Variants in DGKB observed in about 807,000 individuals in gnomAD.
The protein encoded by DGKB is 90 kDa diacylglycerol kinase.
DGKB carries 67 observed loss-of-function variants against 114.3 expected under a neutral mutation model. The ratio of observed to expected loss-of-function variants is 0.59; its 90% CI spans 0.48 to 0.72. The LOEUF is 0.72. DGKB is among the 30% of genes least tolerant of loss of function. The pLI, the probability that DGKB is intolerant of heterozygous loss-of-function variation, is 0.00. For synonymous variants in DGKB, 398 were observed against 323.1 expected (o/e 1.23, Z -2.49); for missense variants, 907 against 975.2 (o/e 0.93, Z 0.93).
intron 2 of DGKB, among the ~76,000 whole-genome samples, chr7:14,758,740 T>G (rs1471111929): frequency 6.6e-6 from 1 of 152,188 alleles, no homozygotes; most frequent in Non-Finnish European, 1.5e-5. Flanking sequence ...AAATTAGCTT[T>G]TGAAACATCC....
chr7:14,312,229 A>C (rs1180970756), intron 23 of DGKB, among the ~76,000 whole-genome samples: 1 of 152,198 alleles, frequency 6.6e-6, no homozygotes, highest in Non-Finnish European at 1.5e-5. Flanking sequence ...AAACATTGAC[A>C]CAGTATGTGG....
At chr7:14,361,633 GT>G (rs1815763197) in intron 21 of DGKB, among the ~76,000 whole-genome samples, 1 of 151,922 alleles carries the variant, frequency 6.6e-6, no homozygotes, top group South Asian at 2.1e-4. Context: ...TCAAGTACAT[GT>G]TAGATAATTC....
intron 23 of DGKB, among the ~76,000 whole-genome samples, chr7:14,223,087 T>G (rs1790253969): frequency 6.6e-6 from 1 of 151,672 alleles, no homozygotes; most frequent in Non-Finnish European, 1.5e-5. Flanking sequence ...CTCCCCATTC[T>G]GACAATCTCT....
intron 9 of DGKB, among the ~76,000 whole-genome samples, chr7:14,688,532 T>A (rs538203974): frequency 6.6e-6 from 1 of 152,280 alleles, no homozygotes; most frequent in South Asian, 2.1e-4. Flanking sequence ...AATTTTTCAG[T>A]CAAAATAATT....
At chr7:14,447,152 CT>C (rs576783807) in intron 21 of DGKB, among the ~76,000 whole-genome samples, 3 of 152,208 alleles carry the variant, frequency 2.0e-5, no homozygotes, top group African/African-American at 7.2e-5. Flanking sequence ...TGCATCACCC[CT>C]AGGGGGAACT....
At chr7:14,345,891 T>C (rs1812393984) in intron 21 of DGKB, among the ~76,000 whole-genome samples, 1 of 151,622 alleles carries the variant, frequency 6.6e-6, no homozygotes, top group African/African-American at 2.4e-5. Context: ...AAATTTATTT[T>C]CTTCTATGAC....
chr7:14,521,647 G>T (rs1428062248), intron 20 of DGKB, among the ~76,000 whole-genome samples: 1 of 151,882 alleles, frequency 6.6e-6, no homozygotes, highest in East Asian at 1.9e-4. Flanking sequence ...TATCTCTTCA[G>T]TGAGTTATTT....
rs77049947 is a variant in DGKB at position 14,412,248 on chromosome 7, G to T, written c.1835+65913C>A. Among the ~76,000 whole-genome samples, 576 of 152,204 alleles carry T rather than the reference G, an allele frequency of 3.8e-3. 4 individuals are homozygous for T. The highest frequency in any genetic ancestry group is 0.013 in the African/African-American group (559 of 41,532). On this transcript the variant is annotated intron_variant, in intron 21 of 25. Coordinates refer to ENST00000402815, the MANE Select transcript of DGKB (RefSeq NM_001350709.2). The stretch of plus-strand genomic sequence containing the variant: ...CTTCTGGTGATAAAAAGTAAGAGAA[G>T]ACAAACACAAATTTGTACAGCAAAC...
chr7:14,282,829 C>T (rs532919404), intron 23 of DGKB, among the ~76,000 whole-genome samples: 31 of 152,216 alleles, frequency 2.0e-4, no homozygotes, highest in East Asian at 1.9e-3. Context: ...ATGCTAAAAA[C>T]GCTCAATAAA....
At chr7:14,625,001 A>G (rs532396140) in intron 14 of DGKB, among the ~76,000 whole-genome samples, 62 of 152,178 alleles carry the variant, frequency 4.1e-4, no homozygotes, top group African/African-American at 1.4e-3. Flanking sequence ...CTGTCTCAAT[A>G]AATAAATAAA....
intron 23 of DGKB, among the ~76,000 whole-genome samples, chr7:14,335,054 TACTC>T (rs1406230518): frequency 2.6e-5 from 4 of 152,224 alleles, no homozygotes; most frequent in African/African-American, 9.6e-5. Context: ...TTACATGAAT[TACTC>T]ACAATTTTGT....
intron 1 of DGKB, among the ~76,000 whole-genome samples, chr7:14,901,593 T>G (rs887949528): frequency 6.7e-6 from 1 of 149,366 alleles, no homozygotes; most frequent in Non-Finnish European, 1.5e-5. Flanking sequence ...GCTTTCTGTT[T>G]GAGGGATTTC....
At chr7:14,232,378 A>G (rs2128343238) in intron 23 of DGKB, among the ~76,000 whole-genome samples, 1 of 151,680 alleles carries the variant, frequency 6.6e-6, no homozygotes, top group Non-Finnish European at 1.5e-5. Context: ...TTAGTGAAAA[A>G]AAAAAAAAAG....
In DGKB at chr7:14,210,425, T is replaced by A. The variant is rs765071695; in HGVS notation, c.2123-32274A>T. Among the ~76,000 whole-genome samples the A allele has an allele frequency of 1.0e-3, 152 of 152,266 alleles. 1 individual carries two copies. Among genetic ancestry groups the A allele is most frequent in the South Asian group, 8.3e-4 (4 of 4,828 alleles). The stretch of plus-strand genomic sequence containing the variant: ...TGTCCTTTCAGTTTAGTTACTTACA[T>A]ATCCATGTGCACAATCTGCAGACAT... On this transcript the variant is annotated intron_variant, in intron 23 of 25. Transcript: ENST00000402815.
intron 21 of DGKB, among the ~76,000 whole-genome samples, chr7:14,428,543 C>A (rs1309696520): frequency 6.6e-6 from 1 of 152,082 alleles, no homozygotes; most frequent in Non-Finnish European, 1.5e-5. Flanking sequence ...GCTCCTTCCT[C>A]CCTTTCTTTT....
chr7:14,265,337 T>TTTTTTTG (rs1342591342), intron 23 of DGKB, among the ~76,000 whole-genome samples: 2 of 146,764 alleles, frequency 1.4e-5, no homozygotes, highest in African/African-American at 5.1e-5. Flanking sequence ...TTTTTTTTTT[T>TTTTTTTG]TGCTTAGTAG....
At chr7:14,693,863 A>T (rs1485445774) in intron 9 of DGKB, among the ~76,000 whole-genome samples, 1 of 152,150 alleles carries the variant, frequency 6.6e-6, no homozygotes, top group African/African-American at 2.4e-5. Flanking sequence ...TTAATCCTGA[A>T]GTAATACCTG....
intron 21 of DGKB, among the ~76,000 whole-genome samples, chr7:14,354,263 GTTTA>G (rs1393845917): frequency 3.3e-5 from 5 of 152,122 alleles, no homozygotes; most frequent in Non-Finnish European, 7.4e-5. Context: ...AAAAGCTGTA[GTTTA>G]TTTAATTGAA....
rs111716778 is a variant in DGKB at position 14,931,047 on chromosome 7, G to A, written c.-188+43649C>T. On this transcript the variant is annotated intron_variant, in intron 1 of 4. Coordinates refer to the DGKB transcript ENST00000437998. ...TATGTTAAACCATCTTGCATCACTG[G>A]TATTAAACCTACTTGGTTATAGTGT... 3.4e-3 allele frequency among the ~76,000 whole-genome samples: 509 copies of A among 151,092 alleles called. 6 individuals carry two copies. Among genetic ancestry groups the A allele is most frequent in the African/African-American group, 0.012 (481 of 41,230 alleles).
Sources: gnomAD v4.1 joint callset for allele counts (sites outside exome capture counted in the v4.1 genomes callset) on GRCh38, gnomAD v4.1.1 for gene constraint, MANE v1.5 for transcripts, NCBI Gene and HGNC (gene_info 2026-07-23, HGNC 2026-07-21) for gene names.